The following VEPH1 variants were observed in gnomAD, a reference collection of about 807,000 sequenced individuals.
VEPH1 encodes ventricular zone expressed PH domain containing 1.
Under a neutral mutation model 85.2 loss-of-function variants are expected in VEPH1, and 80 were observed. The ratio of observed to expected loss-of-function variants is 0.94; its 90% CI spans 0.78 to 1.13. The LOEUF (loss-of-function observed/expected upper bound fraction) is 1.13. VEPH1 is among the 50% of genes most tolerant of loss of function. The probability of loss-of-function intolerance (pLI) is 0.00; values close to 1 mark genes in which losing one functional copy is unlikely to be tolerated. For missense variants in VEPH1, 955 were observed against 980.5 expected, an observed-to-expected ratio of 0.97 and a Z score of 0.35; for synonymous variants, 297 against 348.0, an observed-to-expected ratio of 0.85 and a Z score of 1.63.
At chr3:157,299,559 C>CA (rs10535235) in intron 11 of VEPH1, among the ~76,000 whole-genome samples, 4,057 of 102,984 alleles carry the variant, frequency 0.039, 240 homozygotes, top group African/African-American at 0.14. Context: ...GGCCCTGTCT[C>CA]AAAAAAAAAA....
intron 12 of VEPH1, among the ~76,000 whole-genome samples, chr3:157,272,624 GT>G (rs1714853453): frequency 2.2e-5 from 2 of 89,590 alleles, no homozygotes; most frequent in Admixed American, 2.6e-4. Context: ...CATCTGGCTG[GT>G]TTTAAAAATT....
chr3:157,343,536 T>C (rs1265016503), intron 9 of VEPH1, among the ~76,000 whole-genome samples: 1 of 152,124 alleles, frequency 6.6e-6, no homozygotes, highest in Non-Finnish European at 1.5e-5. Flanking sequence ...CAATAATTAA[T>C]AGCCTACCAA....
intron 9 of VEPH1, among the ~76,000 whole-genome samples, chr3:157,319,685 C>A (rs1341769957): frequency 6.6e-6 from 1 of 152,042 alleles, no homozygotes; most frequent in Non-Finnish European, 1.5e-5. Flanking sequence ...GACTTTAGGC[C>A]TTTATCATGA....
chr3:157,407,563 T>C (rs149312848), intron 6 of VEPH1, among the ~76,000 whole-genome samples: 3 of 152,288 alleles, frequency 2.0e-5, no homozygotes, highest in Non-Finnish European at 4.4e-5. Context: ...CCACCTTTAA[T>C]GTACATGTGG....
chr3:157,460,085 C>T (rs764177779), intron 4 of VEPH1, 96 bp downstream of exon 4: 2 of 1,611,214 alleles, frequency 1.2e-6, no homozygotes, highest in Non-Finnish European at 1.7e-6. Context: ...GCTTCTAATA[C>T]TCTAGGTCTT....
chr3:157,490,883 C>A (rs1227414558), intron 2 of VEPH1, among the ~76,000 whole-genome samples: 1 of 151,350 alleles, frequency 6.6e-6, no homozygotes, highest in African/African-American at 2.4e-5. Flanking sequence ...AAATATAAAC[C>A]AAAAAAAGAA....
chr3:157,342,614 T>TAAACG, intron 9 of VEPH1, among the ~76,000 whole-genome samples: 1 of 152,278 alleles, frequency 6.6e-6, no homozygotes, highest in South Asian at 2.1e-4. Flanking sequence ...ATTAGACAGA[T>TAAACG]AAACGAGACA....
At chr3:157,373,868 G>A (rs1011717350) in intron 7 of VEPH1, among the ~76,000 whole-genome samples, 9 of 152,124 alleles carry the variant, frequency 5.9e-5, no homozygotes, top group African/African-American at 2.2e-4. Context: ...ACTCCATACT[G>A]GGGCTGCCCG....
intron 2 of VEPH1, among the ~76,000 whole-genome samples, chr3:157,485,233 T>C (rs1357361250): frequency 6.6e-6 from 1 of 152,156 alleles, no homozygotes; most frequent in Non-Finnish European, 1.5e-5. Context: ...TAAATGGATA[T>C]TTAACTCAAC....
Position 157,428,398 on chromosome 3 carries a change from A to T in VEPH1, c.620T>A (p.Met207Lys). ...CTGTTCTGGCTGTTCCAGCTGAGAC[A>T]TCAAGGCCAGGAGTTCTGTCAGGTG... The part of the protein sequence containing the change: ...NRHLTELLAL[M>K]SQLEQPEQYH... The change falls in exon 5 of 14, where the codon ATG becomes AAG. Residue 207 changes from methionine to lysine, a missense_variant. Transcript: ENST00000362010. 6.2e-7 allele frequency: 1 copy of T among 1,614,172 alleles called. No homozygotes were observed. The highest frequency in any genetic ancestry group is 1.7e-5 in the Admixed American group (1 of 60,018).
intron 12 of VEPH1, among the ~76,000 whole-genome samples, chr3:157,268,493 T>G (rs951364891): frequency 3.3e-5 from 5 of 152,212 alleles, no homozygotes; most frequent in African/African-American, 1.2e-4. Flanking sequence ...TTTCATATTT[T>G]CAGGTGAGAG....
At chr3:157,380,293 G>GC (rs1365897096) in intron 7 of VEPH1, among the ~76,000 whole-genome samples, 2 of 152,074 alleles carry the variant, frequency 1.3e-5, no homozygotes, top group Non-Finnish European at 2.9e-5. Context: ...CTGCACTGGG[G>GC]CCAGGGTGAG....
chr3:157,318,226 G>A (rs944680361), intron 9 of VEPH1, among the ~76,000 whole-genome samples: 1 of 152,188 alleles, frequency 6.6e-6, no homozygotes, highest in Non-Finnish European at 1.5e-5. Context: ...CTATACTGGG[G>A]ATTTTTTTAA....
intron 11 of VEPH1, 141 bp from the exon 12 acceptor site, chr3:157,286,815 A>T: frequency 1.5e-6 from 1 of 684,774 alleles, no homozygotes; most frequent in South Asian, 1.9e-5. Flanking sequence ...CATTGAAAAA[A>T]TTTCTCTTGG....
At chr3:157,499,002 C>T (rs1739890863) in intron 1 of VEPH1, among the ~76,000 whole-genome samples, 1 of 152,174 alleles carries the variant, frequency 6.6e-6, no homozygotes. Flanking sequence ...TTTAGTTCTC[C>T]CATCAACTCT....
At chr3:157,455,183 G>A (rs73158516) in intron 4 of VEPH1, among the ~76,000 whole-genome samples, 1 of 152,044 alleles carries the variant, frequency 6.6e-6, no homozygotes, top group Non-Finnish European at 1.5e-5. Flanking sequence ...GCTTTCCACA[G>A]TGGCTGAACT....
rs866780345 is a variant in VEPH1 at position 157,428,408 on chromosome 3, G to C, written c.610C>G (p.Leu204Val). ...TGTTCCAGCTGAGACATCAAGGCCA[G>C]GAGTTCTGTCAGGTGTCTATTAATT... is the stretch of plus-strand genomic sequence containing the variant. The part of the protein sequence containing the change: ...QPINRHLTEL[L>V]ALMSQLEQPE... The change falls in exon 5 of 14, where the codon CTG becomes GTG. Residue 204 changes from leucine to valine, a missense_variant. Transcript: ENST00000362010. The C allele has an allele frequency of 6.2e-7, 1 of 1,613,984 alleles. No individual in the cohort carries two copies. Among genetic ancestry groups the C allele is most frequent in the Admixed American group, 1.7e-5 (1 of 59,990 alleles).
chr3:157,364,969 CTT>C (rs1726469729), intron 7 of VEPH1, among the ~76,000 whole-genome samples: 1 of 152,148 alleles, frequency 6.6e-6, no homozygotes, highest in Non-Finnish European at 1.5e-5. Flanking sequence ...CAGTATAACT[CTT>C]ATACCTTCCA....
At chr3:157,336,742 G>A (rs1023568388) in intron 9 of VEPH1, among the ~76,000 whole-genome samples, 1 of 152,178 alleles carries the variant, frequency 6.6e-6, no homozygotes, top group Non-Finnish European at 1.5e-5. Context: ...TCTAGAGCAA[G>A]GGTTGATAAA....
Sources: allele counts gnomAD v4.1 joint callset (sites outside exome capture counted in the v4.1 genomes callset), GRCh38; gene constraint gnomAD v4.1.1; transcripts MANE v1.5; gene names NCBI Gene and HGNC (gene_info 2026-07-23, HGNC 2026-07-21).